Variants in RDH13 observed in about 807,000 individuals in gnomAD.
RDH13 encodes retinol dehydrogenase 13, also known as retinol dehydrogenase 13 (all-trans and 9-cis).
A neutral mutation model predicts 28.3 loss-of-function variants in RDH13; 35 were observed. The ratio of observed to expected loss-of-function variants is 1.24; its 90% CI spans 0.95 to 1.64. The LOEUF (loss-of-function observed/expected upper bound fraction) is 1.64, where lower values mean the gene tolerates loss of function less well. RDH13 is among the 40% of genes most tolerant of loss of function. The pLI, the probability that RDH13 is intolerant of heterozygous loss-of-function variation, is 0.00. For synonymous variants in RDH13, 229 were observed against 198.5 expected (o/e 1.15, Z -1.29); for missense variants, 514 against 446.3 (o/e 1.15, Z -1.37).
chr19:55,060,146 G>A (rs1654450), intron 1 of RDH13, among the ~76,000 whole-genome samples: 77,261 of 126,838 alleles, frequency 0.61, 24,315 homozygotes, highest in Middle Eastern at 0.77. Flanking sequence ...GAGGTGGATT[G>A]GTAAAAGAGG....
intron 3 of RDH13, among the ~76,000 whole-genome samples, chr19:55,055,161 C>CT (rs1416927186): frequency 1.3e-5 from 2 of 151,890 alleles, no homozygotes; most frequent in African/African-American, 4.8e-5. Flanking sequence ...GTTCTGTCTT[C>CT]TTTTTTATTG....
At chr19:55,059,081 C>CCGGA in intron 2 of RDH13, 76 bp downstream of exon 2, 1 of 1,006,178 alleles carries the variant, frequency 9.9e-7, no homozygotes. Flanking sequence ...CCTTCCACCT[C>CCGGA]CGGACTGTGA....
chr19:55,063,025 C>T lies in RDH13; in HGVS notation c.8G>A (p.Arg3His), dbSNP rs773250626. MS[R>H]YLLPLSALGT... The stretch of plus-strand genomic sequence containing the variant: ...CAGCGCCGACAGCGGCAGCAGGTAG[C>T]GGCTCATGCCGGGCCGGGGACAGGC... Residue 3 changes from arginine (R) to histidine (H), a missense_variant, in exon 1 of 7, where the codon CGC becomes CAC. Physicochemically the swap from Arg to His is conservative, Grantham distance 29. Transcript: ENST00000415061. 3 of 1,438,116 alleles carry T rather than the reference C, an allele frequency of 2.1e-6. No individual in the cohort carries two copies. The highest frequency in any genetic ancestry group is 2.8e-5 in the Admixed American group (1 of 35,528). 89.1% of individuals were successfully genotyped at this position (1,438,116 alleles called of 1,614,324 possible).
chr19:55,045,669 G>GGC (rs2075200336), intron 6 of RDH13, among the ~76,000 whole-genome samples: 1 of 152,098 alleles, frequency 6.6e-6, no homozygotes, highest in Non-Finnish European at 1.5e-5. Context: ...TTTTTGGCCA[G>GGC]GCGAGGTGGC....
At chr19:55,062,929 C>G in intron 1 of RDH13, 39 bp downstream of exon 1, 1 of 1,413,238 alleles carries the variant, frequency 7.1e-7, no homozygotes, top group Non-Finnish European at 9.2e-7. Context: ...GCGCTGGGGG[C>G]CCGCCTTGAC....
intron 4 of RDH13, 54 bp from the exon 5 acceptor site, chr19:55,048,595 A>G: frequency 1.2e-6 from 2 of 1,609,958 alleles, no homozygotes; most frequent in Admixed American, 3.3e-5. Flanking sequence ...AAATCCCAGC[A>G]CTTTGGGAGG....
rs1244245372 is a variant in RDH13 at position 55,045,131 on chromosome 19, A to C, written c.939T>G (p.Ser313Arg). ...EEVARRLWAESARLVGLEAPS... is the reference protein window; with the variant it reads ...EEVARRLWAERARLVGLEAPS... Reference sequence around the variant, plus strand: ...GAGCCTCTAAGCCCACCAGGCGGGCACTTTCAGCCCAAAGCCTCCGGGCCA... The same window carrying C: ...GAGCCTCTAAGCCCACCAGGCGGGCCCTTTCAGCCCAAAGCCTCCGGGCCA... The change falls in exon 7 of 7, where the codon AGT becomes AGG. Residue 313 changes from serine to arginine, a missense_variant. Transcript: ENST00000415061. 6.2e-7 allele frequency: 1 copy of C among 1,613,508 alleles called. No individual in the cohort carries two copies. Among genetic ancestry groups the C allele is most frequent in the Non-Finnish European group, 8.5e-7 (1 of 1,179,962 alleles).
At chr19:55,054,132 TG>T (rs2075555960) in intron 3 of RDH13, among the ~76,000 whole-genome samples, 1 of 152,190 alleles carries the variant, frequency 6.6e-6, no homozygotes, top group Non-Finnish European at 1.5e-5. Flanking sequence ...AGGACAGCTC[TG>T]GTTCATCTCA....
chr19:55,062,549 G>A (rs1393187653), intron 1 of RDH13, among the ~76,000 whole-genome samples: 1 of 151,910 alleles, frequency 6.6e-6, no homozygotes, highest in Non-Finnish European at 1.5e-5. Context: ...GGGCGTGGTG[G>A]CGCACGTGTG....
In RDH13 at chr19:55,044,845, C is replaced by T. The variant is rs2075149696; in HGVS notation, c.*229G>A. Reference sequence around the variant, plus strand: ...ATTCCCAGGGGAAGCATCAGATGGCCCCTCTCCCCTGCTGGCAGCAGAGCA... The same window carrying T: ...ATTCCCAGGGGAAGCATCAGATGGCTCCTCTCCCCTGCTGGCAGCAGAGCA... On this transcript the variant is annotated 3_prime_UTR_variant, in exon 7 of 7. Transcript: ENST00000415061. The T allele has an allele frequency of 6.2e-6, 3 of 484,960 alleles. No homozygotes were observed. Among genetic ancestry groups the T allele is most frequent in the Non-Finnish European group, 1.1e-5 (3 of 277,144 alleles). The allele number at this position is 484,960 out of a possible 1,614,324, so 30.0% of individuals were successfully genotyped here. A position where few individuals can be genotyped will look rare whatever the true frequency, so the allele number is the denominator to read the frequency against.
At chr19:55,066,828 G>A (rs908149830), upstream of RDH13, among the ~76,000 whole-genome samples, 2 of 151,902 alleles carry the variant, frequency 1.3e-5, no homozygotes, top group Admixed American at 6.6e-5. Context: ...CGACCCTGTG[G>A]CTGTGTAGAG....
At chr19:55,052,063 C>CTTTTTTTTTTTTTT (rs111427426) in intron 3 of RDH13, among the ~76,000 whole-genome samples, 1 of 120,732 alleles carries the variant, frequency 8.3e-6, no homozygotes, top group African/African-American at 3.4e-5. Context: ...ACTGCCTCAA[C>CTTTTTTTTTTTTTT]TTTTTTTTTT....
At chr19:55,045,386 GCTC>G in intron 6 of RDH13, 77 bp from the exon 7 acceptor site, 1 of 1,185,608 alleles carries the variant, frequency 8.4e-7, no homozygotes, top group Non-Finnish European at 1.2e-6. Context: ...CGGTCAGGGA[GCTC>G]CGGGTCCCTG....
At chr19:55,048,204 A>G (rs1365127803) in intron 5 of RDH13, 125 bp downstream of exon 5, 2 of 1,544,526 alleles carry the variant, frequency 1.3e-6, no homozygotes, top group Non-Finnish European at 1.7e-6. Context: ...CGTGGTCCAC[A>G]TGCTCTACTT....
chr19:55,045,113 T>C lies in RDH13; in HGVS notation c.957A>G (p.Leu319=). Residue 319 remains leucine, a synonymous_variant, in exon 7 of 7, where the codon TTA becomes TTG. Coordinates refer to ENST00000415061, the MANE Select transcript of RDH13 (RefSeq NM_001145971.2). ...LWAESARLVG[L]EAPSVREQPL... is the part of the protein sequence containing the mutation. ...GCTGCTCCCTCACAGAGGGAGCCTC[T>C]AAGCCCACCAGGCGGGCACTTTCAG... 1 of 1,613,182 alleles carries C rather than the reference T, an allele frequency of 6.2e-7. No homozygotes were observed. Among genetic ancestry groups the C allele is most frequent in the Non-Finnish European group, 8.5e-7 (1 of 1,179,842 alleles).
Position 55,044,968 on chromosome 19 carries a change from C to T in RDH13, c.*106G>A. 1.2e-6 allele frequency: 1 copy of T among 853,140 alleles called. No individual in the cohort carries two copies. The highest frequency in any genetic ancestry group is 1.8e-6 in the Non-Finnish European group (1 of 553,112). The allele number at this position is 853,140 out of a possible 1,614,324, so 52.8% of individuals were successfully genotyped here. A position where few individuals can be genotyped will look rare whatever the true frequency, so the allele number is the denominator to read the frequency against. On this transcript the variant is annotated 3_prime_UTR_variant, in exon 7 of 7. Coordinates refer to ENST00000415061, the MANE Select transcript of RDH13 (RefSeq NM_001145971.2). The stretch of plus-strand genomic sequence containing the variant: ...AACCTACTGCGGGCATGGCGGCCGC[C>T]AGTCCTGGGTCTCCCGGCTCAGGTA...
rs995480344 is a variant in RDH13 at position 55,044,923 on chromosome 19, C to A, written c.*151G>T. On this transcript the variant is annotated 3_prime_UTR_variant, in exon 7 of 7. Coordinates refer to ENST00000415061, the MANE Select transcript of RDH13 (RefSeq NM_001145971.2). ...TGCTCACCTGCAGGCCAGTCCACTG[C>A]GGCCAGCACCGCCCCCTAGAACCTA... 7 of 612,676 alleles carry A rather than the reference C, an allele frequency of 1.1e-5. No homozygotes were observed. The highest frequency in any genetic ancestry group is 2.0e-5 in the Non-Finnish European group (7 of 350,450). 38.0% of individuals were successfully genotyped at this position (612,676 alleles called of 1,614,324 possible).
chr19:55,061,974 A>G (rs1428745403), intron 1 of RDH13, among the ~76,000 whole-genome samples: 2 of 151,908 alleles, frequency 1.3e-5, no homozygotes, highest in East Asian at 1.9e-4. Flanking sequence ...AAAATTAGAC[A>G]GGCGTGGTGG....
At position 55,047,507 on chromosome 19, in the gene RDH13, G is replaced by C; in HGVS notation, c.659-19C>G. 1 of 1,595,328 alleles carries C rather than the reference G, an allele frequency of 6.3e-7. No homozygotes were observed. The stretch of plus-strand genomic sequence containing the variant: ...CCAGAGCCTGGGGAAGAAAGAAAGA[G>C]AAGACTGAGGGAGGGGTCCAGCCTC... On this transcript the variant is annotated intron_variant, in intron 5 of 6. Transcript: ENST00000415061.
Sources: gnomAD v4.1 joint callset for allele counts (sites outside exome capture counted in the v4.1 genomes callset) on GRCh38, gnomAD v4.1.1 for gene constraint, MANE v1.5 for transcripts, NCBI Gene and HGNC (gene_info 2026-07-23, HGNC 2026-07-21) for gene names.